Variants in CYC1 observed in about 807,000 individuals in gnomAD.
CYC1 encodes the protein cytochrome c1, heme protein, mitochondrial.
Under a neutral mutation model 33.8 loss-of-function variants are expected in CYC1, and 10 were observed. That is an observed-to-expected ratio of 0.30 (90% CI 0.18 to 0.50). The LOEUF (loss-of-function observed/expected upper bound fraction) is 0.50. CYC1 is among the 20% of genes least tolerant of loss of function. The pLI is 0.98. For synonymous variants in CYC1, 224 were observed against 181.9 expected, an observed-to-expected ratio of 1.23 and a Z score of -1.86; for missense variants, 459 against 437.6, an observed-to-expected ratio of 1.05 and a Z score of -0.44.
chr8:144,096,210 T>C lies in CYC1; in HGVS notation c.413T>C (p.Val138Ala), dbSNP rs1836149237. 6.2e-7 allele frequency: 1 copy of C among 1,614,054 alleles called. No individual in the cohort carries two copies. Among genetic ancestry groups the C allele is most frequent in the African/African-American group, 1.3e-5 (1 of 74,998 alleles). Residue 138 changes from valine to alanine, a missense_variant, in exon 3 of 7, where the codon GTG becomes GCG. Transcript: ENST00000318911. ...DFVAYRHLVG[V>A]CYTEDEAKEL... is the part of the protein sequence containing the mutation. The stretch of plus-strand genomic sequence containing the variant: ...GTGGCCTACCGCCACCTGGTGGGCG[T>C]GTGCTACACGGAGGATGAAGCTAAG...
intron 6 of CYC1, 38 bp from the exon 7 acceptor site, chr8:144,097,194 C>T (rs374190143): frequency 1.2e-6 from 2 of 1,611,284 alleles, no homozygotes; most frequent in African/African-American, 2.7e-5. Context: ...GGGCAGGGCT[C>T]CTCCCCACTC....
At position 144,096,037 on chromosome 8, in the gene CYC1, G is replaced by C; in HGVS notation, c.326+8G>C. Reference sequence around the variant, plus strand: ...TTCCTTGGACCACACCAGGTGTGCAGCTGGCTGGCTGGCTGGCAGCGGGAG... The same window carrying C: ...TTCCTTGGACCACACCAGGTGTGCACCTGGCTGGCTGGCTGGCAGCGGGAG... On this transcript the variant is annotated splice_region_variant and intron_variant, in intron 2 of 6. Coordinates refer to ENST00000318911, the MANE Select transcript of CYC1 (RefSeq NM_001916.5). 1 of 1,595,350 alleles carries C rather than the reference G, an allele frequency of 6.3e-7. No homozygotes were observed. The highest frequency in any genetic ancestry group is 1.4e-5 in the African/African-American group (1 of 73,404).
At position 144,096,261 on chromosome 8, in the gene CYC1, T is replaced by TGGGGATGCCTGGGACCC; in HGVS notation, c.453+12_453+28dup. On this transcript the variant is annotated intron_variant, in intron 3 of 6. Coordinates refer to ENST00000318911, the MANE Select transcript of CYC1 (RefSeq NM_001916.5). ...GAGCTGGCTGCGGAGGTGTGGGGTCTGGGGATGCCTGGGACCCAGGGCTCA... is the reference window on the plus strand; with the variant it reads ...GAGCTGGCTGCGGAGGTGTGGGGTCTGGGGATGCCTGGGACCCGGGGATGCCTGGGACCCAGGGCTCA... 1 of 1,613,388 alleles carries TGGGGATGCCTGGGACCC rather than the reference T, an allele frequency of 6.2e-7. No homozygotes were observed. Among genetic ancestry groups the TGGGGATGCCTGGGACCC allele is most frequent in the Non-Finnish European group, 8.5e-7 (1 of 1,179,748 alleles).
chr8:144,095,752 G>A, intron 1 of CYC1, 81 bp from the exon 2 acceptor site: 2 of 1,484,470 alleles, frequency 1.3e-6, no homozygotes, highest in Middle Eastern at 2.4e-4. Flanking sequence ...CCATTGCTGG[G>A]TGGAGAGGTG....
chr8:144,095,435 TG>T (rs1444997254), intron 1 of CYC1: 3 of 421,740 alleles, frequency 7.1e-6, no homozygotes, highest in Non-Finnish European at 1.2e-5. Context: ...GTCCCCAGCG[TG>T]GGGGTTGGCG....
In CYC1 at chr8:144,096,468, T is replaced by G. The variant is rs746243222; in HGVS notation, c.585T>G (p.Pro195=). The G allele has an allele frequency of 6.2e-7, 1 of 1,613,930 alleles. No homozygotes were observed. Residue 195 remains proline, a synonymous_variant, in exon 4 of 7, where the codon CCT becomes CCG. Transcript: ENST00000318911. ...ARAANNGALP[P]DLSYIVRARH... is the part of the protein sequence containing the mutation. ...CTGCCAACAACGGAGCATTGCCCCC[T>G]GACCTCAGCTACATCGTGCGAGCTA...
At chr8:144,095,732 CAGG>C in intron 1 of CYC1, 98 bp from the exon 2 acceptor site, 3 of 1,273,710 alleles carry the variant, frequency 2.4e-6, no homozygotes, top group South Asian at 1.2e-5. Context: ...TGGTGCCCTG[CAGG>C]AGGAGGCCAT....
Position 144,096,165 on chromosome 8 carries a change from C to G in CYC1, c.368C>G (p.Ser123Cys). 1 of 1,613,932 alleles carries G rather than the reference C, an allele frequency of 6.2e-7. No individual in the cohort carries two copies. The highest frequency in any genetic ancestry group is 1.1e-5 in the South Asian group (1 of 91,078). ...CAGGTATATAAGCAGGTGTGCGCCT[C>G]CTGCCACAGCATGGACTTCGTGGCC... ...GFQVYKQVCASCHSMDFVAYR... is the reference protein window; with the variant it reads ...GFQVYKQVCACCHSMDFVAYR... Residue 123 changes from serine to cysteine, a missense_variant, in exon 3 of 7, where the codon TCC (serine) becomes TGC (cysteine). Physicochemically the swap from Ser to Cys is moderately radical, Grantham distance 112. Transcript: ENST00000318911.
In CYC1 at chr8:144,096,243, C is replaced by T; in HGVS notation, c.446C>T (p.Ala149Val). The change falls in exon 3 of 7, where the codon GCT becomes GTT. Residue 149 changes from alanine to valine, a missense_variant. Transcript: ENST00000318911. Reference sequence around the variant, plus strand: ...ACGGAGGATGAAGCTAAGGAGCTGGCTGCGGAGGTGTGGGGTCTGGGGATG... The same window carrying T: ...ACGGAGGATGAAGCTAAGGAGCTGGTTGCGGAGGTGTGGGGTCTGGGGATG... Reference protein sequence around the residue: ...CYTEDEAKELAAEVEVQDGPN... With the variant: ...CYTEDEAKELVAEVEVQDGPN... 1 of 1,613,958 alleles carries T rather than the reference C, an allele frequency of 6.2e-7. No homozygotes were observed. The highest frequency in any genetic ancestry group is 8.5e-7 in the Non-Finnish European group (1 of 1,179,936).
intron 1 of CYC1, 128 bp from the exon 2 acceptor site, chr8:144,095,705 G>A: frequency 2.1e-6 from 2 of 947,918 alleles, no homozygotes; most frequent in South Asian, 2.9e-5. Flanking sequence ...GGTGGGTAGT[G>A]GGACAGGGTG....
chr8:144,096,475 A>G lies in CYC1; in HGVS notation c.592A>G (p.Ser198Gly), dbSNP rs770128852. 12 of 1,613,996 alleles carry G rather than the reference A, an allele frequency of 7.4e-6. No individual in the cohort carries two copies. The highest frequency in any genetic ancestry group is 1.3e-5 in the African/African-American group (1 of 74,982). Residue 198 changes from serine (S) to glycine (G), a missense_variant, in exon 4 of 7, where the codon AGC becomes GGC. By Grantham distance (56) the Ser-to-Gly change is moderately conservative. Coordinates refer to ENST00000318911, the MANE Select transcript of CYC1 (RefSeq NM_001916.5). ...CAACGGAGCATTGCCCCCTGACCTC[A>G]GCTACATCGTGCGAGCTAGGTACAC... The part of the protein sequence containing the change: ...ANNGALPPDL[S>G]YIVRARHGGE...
At chr8:144,095,263 C>T in intron 1 of CYC1, 35 bp downstream of exon 1, 4 of 1,193,602 alleles carry the variant, frequency 3.4e-6, no homozygotes, top group Non-Finnish European at 4.2e-6. Flanking sequence ...CTCCGCGCGG[C>T]CCCGCATCTC....
Position 144,095,079 on chromosome 8 carries a change from G to T in CYC1, c.-21G>T, listed in dbSNP as rs1398628594. The T allele has an allele frequency of 6.6e-6, 8 of 1,205,246 alleles. No individual in the cohort carries two copies. The highest frequency in any genetic ancestry group is 4.4e-5 in the Admixed American group (1 of 22,700). 74.7% of individuals were successfully genotyped at this position (1,205,246 alleles called of 1,614,324 possible). A position where few individuals can be genotyped will look rare whatever the true frequency, so the allele number is the denominator to read the frequency against. On this transcript the variant is annotated 5_prime_UTR_variant, in exon 1 of 7. Coordinates refer to ENST00000318911, the MANE Select transcript of CYC1 (RefSeq NM_001916.5). ...CGCCCCAGGGGCCGACGGGAGTGGC[G>T]GCCGCGCGGAGGAGGCCAAGATGGC...
rs1219149896 is a variant in CYC1, at chr8:144,097,027, T to C, written c.773-7T>C. On this transcript the variant is annotated splice_polypyrimidine_tract_variant and splice_region_variant and intron_variant, in intron 5 of 6. Transcript: ENST00000318911. Reference sequence around the variant, plus strand: ...GAGAATAGCCCTCACTGCTTGTCGTTGGCCAGGCACCCCAGCTACCATGTC... The same window carrying C: ...GAGAATAGCCCTCACTGCTTGTCGTCGGCCAGGCACCCCAGCTACCATGTC... 4.4e-6 allele frequency: 7 copies of C among 1,599,730 alleles called. No homozygotes were observed. The African/African-American group carries it at 5.4e-5, about 12-fold the overall frequency.
rs1587602084 is a variant in CYC1 at position 144,095,127 on chromosome 8, G to C, written c.28G>C (p.Gly10Arg). Residue 10 changes from glycine (G) to arginine (R), a missense_variant, in exon 1 of 7, where the codon GGG (glycine) becomes CGG (arginine). Gly to Arg is a moderately radical substitution (Grantham distance 125, BLOSUM62 -2). Transcript: ENST00000318911. ...GGCGGCAGCTGCGGCTTCGCTTCGCGGGGTAGTGTTGGGCCCGCGGGGCGC... is the reference window on the plus strand; with the variant it reads ...GGCGGCAGCTGCGGCTTCGCTTCGCCGGGTAGTGTTGGGCCCGCGGGGCGC... MAAAAASLR[G>R]VVLGPRGAGL... The C allele has an allele frequency of 3.3e-6, 4 of 1,211,074 alleles. No homozygotes were observed. Among genetic ancestry groups the C allele is most frequent in the Non-Finnish European group, 4.1e-6 (4 of 973,218 alleles). The allele number at this position is 1,211,074 out of a possible 1,614,324, so 75.0% of individuals were successfully genotyped here.
In CYC1 at chr8:144,097,107, C is replaced by T. The variant is rs368304577; in HGVS notation, c.846C>T (p.His282=). 15 of 1,611,832 alleles carry T rather than the reference C, an allele frequency of 9.3e-6. No homozygotes were observed. The highest frequency in any genetic ancestry group is 5.0e-5 in the Admixed American group (3 of 59,700). Residue 282 remains histidine, a synonymous_variant, in exon 6 of 7, where the codon CAC becomes CAT. Coordinates refer to ENST00000318911, the MANE Select transcript of CYC1 (RefSeq NM_001916.5). ...TGCGCTGGGCATCTGAGCCAGAGCA[C>T]GACCATCGAAAACGCATGGGGCTCA... is the stretch of plus-strand genomic sequence containing the variant. The part of the protein sequence containing the change: ...TFLRWASEPE[H]DHRKRMGLKM...
Position 144,097,395 on chromosome 8 carries a change from C to T in CYC1, c.*59C>T, listed in dbSNP as rs916792556. 119 of 1,467,826 alleles carry T rather than the reference C, an allele frequency of 8.1e-5. No individual in the cohort carries two copies. The African/African-American group carries it at 1.4e-3, about 17-fold the overall frequency. The allele number at this position is 1,467,826 out of a possible 1,614,324, so 90.9% of individuals were successfully genotyped here. A position where few individuals can be genotyped will look rare whatever the true frequency, so the allele number is the denominator to read the frequency against. ...ACAGGCCCTCAAGCCCAAGAGCCATCCCAGGCCTGTTCAGGCCTCAGCTAA... is the reference window on the plus strand; with the variant it reads ...ACAGGCCCTCAAGCCCAAGAGCCATTCCAGGCCTGTTCAGGCCTCAGCTAA... On this transcript the variant is annotated 3_prime_UTR_variant, in exon 7 of 7. Coordinates refer to ENST00000318911, the MANE Select transcript of CYC1 (RefSeq NM_001916.5).
In CYC1 at chr8:144,095,181, C is replaced by A. The variant is rs1308086140; in HGVS notation, c.82C>A (p.Leu28Met). 1 of 1,208,626 alleles carries A rather than the reference C, an allele frequency of 8.3e-7. No homozygotes were observed. Among genetic ancestry groups the A allele is most frequent in the South Asian group, 4.2e-5 (1 of 24,088 alleles). The allele number at this position is 1,208,626 out of a possible 1,614,324, so 74.9% of individuals were successfully genotyped here. The change falls in exon 1 of 7, where the codon CTG becomes ATG. Residue 28 changes from leucine to methionine, a missense_variant. Physicochemically the swap from Leu to Met is conservative, Grantham distance 15. Coordinates refer to ENST00000318911, the MANE Select transcript of CYC1 (RefSeq NM_001916.5). ...AGLPGARARG[L>M]LCSARPGQLP... Reference sequence around the variant, plus strand: ...GCTCCCGGGCGCGCGTGCCCGGGGTCTGCTGTGCAGCGCGCGTCCCGGGCA... The same window carrying A: ...GCTCCCGGGCGCGCGTGCCCGGGGTATGCTGTGCAGCGCGCGTCCCGGGCA...
In CYC1 at chr8:144,097,310, A is replaced by C. The variant is rs779536715; in HGVS notation, c.952A>C (p.Lys318Gln). 2 of 1,614,038 alleles carry C rather than the reference A, an allele frequency of 1.2e-6. No homozygotes were observed. The highest frequency in any genetic ancestry group is 3.3e-5 in the Admixed American group (2 of 60,008). ...RHKWSVLKSR[K>Q]LAYRPPK The stretch of plus-strand genomic sequence containing the variant: ...CAAGTGGTCAGTCCTGAAGAGTCGG[A>C]AGCTGGCATATCGGCCGCCCAAGTG... Residue 318 changes from lysine (K) to glutamine (Q), a missense_variant, in exon 7 of 7, where the codon AAG becomes CAG. Coordinates refer to ENST00000318911, the MANE Select transcript of CYC1 (RefSeq NM_001916.5).
Sources: allele counts gnomAD v4.1 joint callset, GRCh38; gene constraint gnomAD v4.1.1; transcripts MANE v1.5; gene names NCBI Gene and HGNC (gene_info 2026-07-23, HGNC 2026-07-21).